Variants in ADAM23 observed in about 807,000 individuals in gnomAD.
ADAM23 encodes the protein ADAM metallopeptidase domain 23.
In ADAM23, 33 loss-of-function variants were observed where a neutral mutation model predicts 120.1. The observed-to-expected ratio is 0.27, with a 90% CI of 0.21 to 0.37. ADAM23 has a LOEUF of 0.37. ADAM23 is among the 10% of genes least tolerant of loss of function. The pLI is 1.00. For missense variants in ADAM23, 862 were observed against 1,058.2 expected (o/e 0.81, Z 2.57); for synonymous variants, 367 against 375.2 (o/e 0.98, Z 0.25).
intron 2 of ADAM23, among the ~76,000 whole-genome samples, chr2:206,477,889 AAAAAAAAAATATAT>A (rs1391151292): frequency 1.1e-4 from 6 of 54,510 alleles, no homozygotes; most frequent in South Asian, 4.5e-4. Flanking sequence ...TTAAAAAAAA[AAAAAAAAAATATAT>A]ATATATATAT....
Position 206,617,680 on chromosome 2 carries a change from A to G in ADAM23, c.*53A>G. The stretch of plus-strand genomic sequence containing the variant: ...TGCACTGTTGGATTCTGGGTATGAC[A>G]TACTCGCAGCAGTGTTACTGGAACT... On this transcript the variant is annotated 3_prime_UTR_variant, in exon 26 of 26. Transcript: ENST00000264377. 1.2e-6 allele frequency: 2 copies of G among 1,609,010 alleles called. No homozygotes were observed. The highest frequency in any genetic ancestry group is 1.7e-6 in the Non-Finnish European group (2 of 1,177,678).
intron 4 of ADAM23, among the ~76,000 whole-genome samples, chr2:206,540,323 A>G (rs947626795): frequency 6.6e-6 from 1 of 151,724 alleles, no homozygotes; most frequent in African/African-American, 2.4e-5. Context: ...TCAACCAAAC[A>G]CAGTATTTGT....
chr2:206,566,483 C>T (rs1574538030), intron 14 of ADAM23, among the ~76,000 whole-genome samples: 1 of 96,716 alleles, frequency 1.0e-5, no homozygotes, highest in Non-Finnish European at 2.0e-5. Flanking sequence ...TTCAGTTTAA[C>T]TAACCATGTG....
At chr2:206,485,918 G>A (rs1353768318) in intron 3 of ADAM23, among the ~76,000 whole-genome samples, 1 of 152,342 alleles carries the variant, frequency 6.6e-6, no homozygotes, top group South Asian at 2.1e-4. Flanking sequence ...GCCACAACAC[G>A]TTGCTGGAAG....
rs1396681106 is a variant in ADAM23, at chr2:206,445,541, C to G, written c.432+17C>G. 14 of 1,596,076 alleles carry G rather than the reference C, an allele frequency of 8.8e-6. No individual in the cohort carries two copies. Among genetic ancestry groups the G allele is most frequent in the Non-Finnish European group, 1.2e-5 (14 of 1,169,144 alleles). On this transcript the variant is annotated intron_variant, in intron 2 of 25. Transcript: ENST00000264377. ...CATAATAAGGTAGGCAGGAGGCTGG[C>G]TATGCAAAAGTAACTATCATGAAGA...
intron 18 of ADAM23, among the ~76,000 whole-genome samples, chr2:206,587,047 T>C (rs1456130581): frequency 6.6e-6 from 1 of 152,240 alleles, no homozygotes; most frequent in Admixed American, 6.5e-5. Flanking sequence ...TCTTCTACTT[T>C]TAACTCTGTA....
intron 18 of ADAM23, among the ~76,000 whole-genome samples, chr2:206,579,382 C>T (rs1022651663): frequency 1.3e-5 from 2 of 152,052 alleles, no homozygotes; most frequent in Non-Finnish European, 2.9e-5. Context: ...AGGTTTAAGT[C>T]CTTAATCCAT....
intron 3 of ADAM23, among the ~76,000 whole-genome samples, chr2:206,487,207 G>A (rs1240619861): frequency 6.6e-6 from 1 of 152,138 alleles, no homozygotes; most frequent in South Asian, 2.1e-4. Context: ...AGATGTTGGG[G>A]GATTCTACAT....
chr2:206,469,942 A>G (rs1034021201), intron 2 of ADAM23, among the ~76,000 whole-genome samples: 1 of 152,126 alleles, frequency 6.6e-6, no homozygotes, highest in Non-Finnish European at 1.5e-5. Flanking sequence ...TGACCATCCT[A>G]TTTAAAACTA....
chr2:206,595,055 C>G (rs906408657), intron 23 of ADAM23, 150 bp downstream of exon 23: 7 of 943,020 alleles, frequency 7.4e-6, no homozygotes, highest in Non-Finnish European at 1.1e-5. Context: ...GTGGTGGGCA[C>G]CTGTAGTCCC....
At chr2:206,483,854 T>A (rs767680570) in intron 3 of ADAM23, among the ~76,000 whole-genome samples, 2 of 151,752 alleles carry the variant, frequency 1.3e-5, no homozygotes, top group Non-Finnish European at 2.9e-5. Context: ...TGGGAGTGAA[T>A]GAGAGGAGAT....
intron 9 of ADAM23, among the ~76,000 whole-genome samples, chr2:206,551,822 A>G (rs1697533493): frequency 6.6e-6 from 1 of 152,196 alleles, no homozygotes; most frequent in South Asian, 2.1e-4. Flanking sequence ...TTACTTTTGT[A>G]TACACATTTA....
intron 9 of ADAM23, among the ~76,000 whole-genome samples, chr2:206,556,600 A>C (rs1414982808): frequency 6.6e-6 from 1 of 152,218 alleles, no homozygotes; most frequent in Non-Finnish European, 1.5e-5. Flanking sequence ...TCTTGAAGAC[A>C]TTAAGCAAAG....
intron 25 of ADAM23, among the ~76,000 whole-genome samples, chr2:206,613,636 A>G (rs1476289984): frequency 6.6e-6 from 1 of 152,154 alleles, no homozygotes; most frequent in Admixed American, 6.5e-5. Flanking sequence ...ATGGAGACTC[A>G]TGACACCTAC....
chr2:206,550,027 T>G lies in ADAM23; in HGVS notation c.868-68T>G. 3.1e-6 allele frequency: 3 copies of G among 966,822 alleles called. No individual in the cohort carries two copies. In the Admixed American group the frequency reaches 6.8e-5, roughly 22 times the overall value. 59.9% of individuals were successfully genotyped at this position (966,822 alleles called of 1,614,324 possible). ...TGAAATTCAAAGTCTTATCTACAAC[T>G]TAACAGTGAGCACTAGAGAGATTTT... On this transcript the variant is annotated intron_variant, in intron 8 of 25. Coordinates refer to ENST00000264377, the MANE Select transcript of ADAM23 (RefSeq NM_003812.4).
rs545616048 is a variant in ADAM23 at position 206,581,823 on chromosome 2, G to T, written c.1738-5502G>T. On this transcript the variant is annotated intron_variant, in intron 18 of 25. Coordinates refer to ENST00000264377, the MANE Select transcript of ADAM23 (RefSeq NM_003812.4). ...TGTCTAGTGCTGTCAGTGGAGTATT[G>T]AAGTCCCCCACTATTATTGTGTTGC... 1.4e-4 allele frequency among the ~76,000 whole-genome samples: 22 copies of T among 152,152 alleles called. No homozygotes were observed. The East Asian group carries it at 3.3e-3, about 23-fold the overall frequency.
rs1696588282 is a variant in ADAM23, at chr2:206,509,962, A to G, written c.510-20923A>G. ...ATAGTTGTAGGAGTCTTTCCTTTGG[A>G]TCCCAGACTTGAGCTCAGAATCTTT... On this transcript the variant is annotated intron_variant, in intron 3 of 25. Coordinates refer to ENST00000264377, the MANE Select transcript of ADAM23 (RefSeq NM_003812.4). 2.6e-5 allele frequency among the ~76,000 whole-genome samples: 4 copies of G among 152,274 alleles called. No homozygotes were observed. In the South Asian group the frequency reaches 8.3e-4, roughly 32 times the overall value.
chr2:206,572,330 G>A (rs925560035), intron 17 of ADAM23, among the ~76,000 whole-genome samples: 5 of 152,190 alleles, frequency 3.3e-5, no homozygotes, highest in African/African-American at 1.2e-4. Context: ...TTGTGTGTGT[G>A]TGTGGACAGA....
intron 24 of ADAM23, among the ~76,000 whole-genome samples, chr2:206,598,903 T>G (rs1698582349): frequency 7.0e-6 from 1 of 143,608 alleles, no homozygotes; most frequent in Admixed American, 7.1e-5. Flanking sequence ...CTGAGCCCCC[T>G]ACTCATCCCC....
Sources: allele counts gnomAD v4.1 joint callset (sites outside exome capture counted in the v4.1 genomes callset), GRCh38; gene constraint gnomAD v4.1.1; transcripts MANE v1.5; gene names NCBI Gene and HGNC (gene_info 2026-07-23, HGNC 2026-07-21).